Variants in PRDM6 observed in about 807,000 individuals in gnomAD.
PRDM6 encodes putative histone-lysine N-methyltransferase PRDM6.
PRDM6 carries 25 observed loss-of-function variants against 60.8 expected under a neutral mutation model. That is an observed-to-expected ratio of 0.41 (90% CI 0.30 to 0.57). The LOEUF is 0.57. Among genes scored for constraint, PRDM6 ranks in the 20% least tolerant of loss-of-function variants. The pLI is 0.27. For synonymous variants in PRDM6, 407 were observed against 357.4 expected (o/e 1.14, Z -1.57); for missense variants, 839 against 821.3 (o/e 1.02, Z -0.26).
chr5:123,177,901 C>T (rs536619265), intron 6 of PRDM6, among the ~76,000 whole-genome samples: 3 of 152,274 alleles, frequency 2.0e-5, no homozygotes, highest in African/African-American at 2.4e-5. Context: ...CTATCTCTCC[C>T]GTTCTAGCCC....
chr5:123,127,683 CTT>C (rs1024477932), intron 3 of PRDM6, among the ~76,000 whole-genome samples: 4 of 151,692 alleles, frequency 2.6e-5, no homozygotes, highest in Non-Finnish European at 4.4e-5. Flanking sequence ...TTTCTTCTTT[CTT>C]TCTTTTCTTT....
At chr5:123,145,020 C>G (rs1765207608) in intron 3 of PRDM6, among the ~76,000 whole-genome samples, 1 of 152,198 alleles carries the variant, frequency 6.6e-6, no homozygotes, top group African/African-American at 2.4e-5. Context: ...ATGCCAAGCA[C>G]CATGCTAATG....
At chr5:123,131,731 C>T (rs1421531754) in intron 3 of PRDM6, among the ~76,000 whole-genome samples, 1 of 152,192 alleles carries the variant, frequency 6.6e-6, no homozygotes, top group Non-Finnish European at 1.5e-5. Flanking sequence ...GGCCAAAGGT[C>T]ATGTCTGACT....
chr5:123,105,476 C>G (rs565871976), intron 3 of PRDM6, among the ~76,000 whole-genome samples: 6 of 152,120 alleles, frequency 3.9e-5, no homozygotes, highest in South Asian at 2.1e-4. Context: ...TTGTGTTACC[C>G]AGAAATCACT....
rs1356124192 is a variant in PRDM6, at chr5:123,187,113, C to T, written c.1700C>T (p.Thr567Met). The change falls in exon 8 of 8, where the codon ACG becomes ATG. Residue 567 changes from threonine (T) to methionine (M), a missense_variant. By Grantham distance (81) the Thr-to-Met change is moderately conservative (BLOSUM62 -1). This residue lies in a region of PRDM6 where 109 missense variants were observed against 172.6 expected (regional missense o/e 0.63). Transcript: ENST00000407847. The stretch of plus-strand genomic sequence containing the variant: ...TGCGAGAGGTGTGAGAGGAGCTTCA[C>T]GCAGGCCACCCAGCTGAGCCGACAC... The part of the protein sequence containing the change: ...FKCERCERSF[T>M]QATQLSRHQR... 1.3e-6 allele frequency: 2 copies of T among 1,551,472 alleles called. No homozygotes were observed. Among genetic ancestry groups the T allele is most frequent in the Non-Finnish European group, 8.7e-7 (1 of 1,146,844 alleles).
chr5:123,151,063 A>C (rs752309084), intron 3 of PRDM6, among the ~76,000 whole-genome samples: 18 of 152,208 alleles, frequency 1.2e-4, no homozygotes, highest in Non-Finnish European at 2.4e-4. Flanking sequence ...GAATTCAATT[A>C]CTTCGGCATG....
chr5:123,183,115 T>G (rs1766203428), intron 7 of PRDM6, among the ~76,000 whole-genome samples: 1 of 152,228 alleles, frequency 6.6e-6, no homozygotes, highest in African/African-American at 2.4e-5. Flanking sequence ...TAAAATGGGT[T>G]TCTCTACAAC....
At chr5:123,097,747 G>A (rs1763989677) in intron 2 of PRDM6, among the ~76,000 whole-genome samples, 1 of 152,200 alleles carries the variant, frequency 6.6e-6, no homozygotes, top group African/African-American at 2.4e-5. Flanking sequence ...AGCAGAGTCT[G>A]GGAGAATTTT....
chr5:123,097,581 A>G lies in PRDM6; in HGVS notation c.593-2073A>G, dbSNP rs148167902. ...TGTCTGACACATGGTATGCACTGTAATTGTGTTTATTGTCTTTCATGTAAT... is the reference window on the plus strand; with the variant it reads ...TGTCTGACACATGGTATGCACTGTAGTTGTGTTTATTGTCTTTCATGTAAT... On this transcript the variant is annotated intron_variant, in intron 2 of 7. Coordinates refer to ENST00000407847, the MANE Select transcript of PRDM6 (RefSeq NM_001136239.4). 1.8e-3 allele frequency among the ~76,000 whole-genome samples: 267 copies of G among 152,216 alleles called. 4 individuals are homozygous for G. Among genetic ancestry groups the G allele is most frequent in the African/African-American group, 5.7e-3 (237 of 41,524 alleles).
chr5:123,090,582 C>A lies in PRDM6; in HGVS notation c.568C>A (p.Gln190Lys), dbSNP rs1235475564. Reference sequence around the variant, plus strand: ...GCGCATGGAGATCATCCCGCTCAACCAGCACACCAGCGACCCCAACAACCG... The same window carrying A: ...GCGCATGGAGATCATCCCGCTCAACAAGCACACCAGCGACCCCAACAACCG... Reference protein sequence around the residue: ...QQRMEIIPLNQHTSDPNNRCD... With the variant: ...QQRMEIIPLNKHTSDPNNRCD... The change falls in exon 2 of 8, where the codon CAG becomes AAG. Residue 190 changes from glutamine to lysine, a missense_variant. By Grantham distance (53) the Gln-to-Lys change is moderately conservative. Around this residue, in one of 2 missense-constraint regions of PRDM6, gnomAD observed 730 missense variants for 648.8 expected, o/e 1.13. Transcript: ENST00000407847. The A allele has an allele frequency of 5.9e-6, 9 of 1,524,972 alleles. No homozygotes were observed. The highest frequency in any genetic ancestry group is 7.9e-6 in the Non-Finnish European group (9 of 1,143,446). The allele number at this position is 1,524,972 out of a possible 1,614,324, so 94.5% of individuals were successfully genotyped here.
At chr5:123,147,074 T>C (rs1765257662) in intron 3 of PRDM6, among the ~76,000 whole-genome samples, 1 of 152,226 alleles carries the variant, frequency 6.6e-6, no homozygotes, top group Non-Finnish European at 1.5e-5. Flanking sequence ...TCTGTTTTTT[T>C]AATGTGAACT....
At chr5:123,178,916 T>G (rs1211464243) in intron 6 of PRDM6, among the ~76,000 whole-genome samples, 1 of 152,240 alleles carries the variant, frequency 6.6e-6, no homozygotes, top group Non-Finnish European at 1.5e-5. Flanking sequence ...GTTGAGCAAT[T>G]AAGTCTGCTT....
chr5:123,175,506 G>T (rs1248274569), intron 6 of PRDM6, among the ~76,000 whole-genome samples: 1 of 152,192 alleles, frequency 6.6e-6, no homozygotes, highest in African/African-American at 2.4e-5. Flanking sequence ...TCCCCCAAGT[G>T]TGAAGGTTAT....
intron 3 of PRDM6, among the ~76,000 whole-genome samples, chr5:123,119,781 C>T (rs1764540133): frequency 1.3e-5 from 2 of 152,130 alleles, no homozygotes. Context: ...CCATTTAAAA[C>T]CAGCAGTAAT....
chr5:123,094,523 A>C (rs967515103), intron 2 of PRDM6, among the ~76,000 whole-genome samples: 3 of 151,846 alleles, frequency 2.0e-5, no homozygotes, highest in South Asian at 2.1e-4. Context: ...ATCTTTCGTT[A>C]TCTAGCGCCC....
intron 3 of PRDM6, among the ~76,000 whole-genome samples, chr5:123,144,132 C>CT (rs1765183067): frequency 6.6e-6 from 1 of 152,294 alleles, no homozygotes; most frequent in Middle Eastern, 3.4e-3. Context: ...TGAGGAGGAG[C>CT]TGGGGTTGCC....
intron 3 of PRDM6, among the ~76,000 whole-genome samples, chr5:123,125,467 C>T (rs150319967): frequency 2.6e-5 from 4 of 152,326 alleles, no homozygotes; most frequent in African/African-American, 9.6e-5. Context: ...AGCTGCGTAG[C>T]ACAGTTTATT....
chr5:123,137,337 T>G (rs1038101605), intron 3 of PRDM6, among the ~76,000 whole-genome samples: 1 of 152,196 alleles, frequency 6.6e-6, no homozygotes, highest in Non-Finnish European at 1.5e-5. Flanking sequence ...TTTAAAAATT[T>G]TCATATTACC....
chr5:123,122,122 C>G (rs1213525900), intron 3 of PRDM6, among the ~76,000 whole-genome samples: 1 of 121,180 alleles, frequency 8.3e-6, no homozygotes, highest in African/African-American at 3.1e-5. Context: ...GAGATCCCAC[C>G]ATTGCACTCC....
Sources: allele counts gnomAD v4.1 joint callset (sites outside exome capture counted in the v4.1 genomes callset), GRCh38; gene constraint gnomAD v4.1.1; regional missense constraint gnomAD v4.1.1; transcripts MANE v1.5; gene names NCBI Gene and HGNC (gene_info 2026-07-23, HGNC 2026-07-21).